USO1: variants seen among roughly 807,000 people sequenced by gnomAD.
USO1 encodes USO1 vesicle transport factor.
USO1 carries 57 observed loss-of-function variants against 124.5 expected under a neutral mutation model. That is an observed-to-expected ratio of 0.46 (90% CI 0.37 to 0.57). The LOEUF is 0.57. USO1 is among the 20% of genes least tolerant of loss of function. The pLI, the probability that USO1 is intolerant of heterozygous loss-of-function variation, is 0.00. For synonymous variants in USO1, 369 were observed against 362.8 expected (o/e 1.02, Z -0.19); for missense variants, 900 against 1,040.6 (o/e 0.86, Z 1.86).
At position 75,770,447 on chromosome 4, in the gene USO1, T is replaced by C; in HGVS notation, c.304T>C (p.Ser102Pro). Residue 102 changes from serine (S) to proline (P), a missense_variant, in exon 5 of 24, where the codon TCC becomes CCC. By Grantham distance (74) the Ser-to-Pro change is moderately conservative. Around this residue, in one of 2 missense-constraint regions of USO1, gnomAD observed 538 missense variants for 681.6 expected, o/e 0.79. Transcript: ENST00000514213. The part of the protein sequence containing the change: ...NEEEEEVEEN[S>P]TRQSEDLGSQ... ...ATTTTTGAATATTACAGAAGAAAAT[T>C]CCACAAGACAGAGTGAAGATTTGGG... The C allele has an allele frequency of 6.4e-7, 1 of 1,553,946 alleles. No individual in the cohort carries two copies. The highest frequency in any genetic ancestry group is 8.7e-7 in the Non-Finnish European group (1 of 1,152,626).
chr4:75,748,863 A>G (rs1006974549), intron 1 of USO1, among the ~76,000 whole-genome samples: 3 of 152,138 alleles, frequency 2.0e-5, no homozygotes, highest in African/African-American at 4.8e-5. Context: ...TTGGAAAACT[A>G]TTTTGACTCA....
chr4:75,784,272 A>C (rs1357023799), intron 9 of USO1, among the ~76,000 whole-genome samples: 1 of 152,158 alleles, frequency 6.6e-6, no homozygotes, highest in Non-Finnish European at 1.5e-5. Flanking sequence ...CTCCTGCCTC[A>C]GCTTCCCAAA....
chr4:75,804,499 A>G (rs946802085), intron 18 of USO1, among the ~76,000 whole-genome samples: 1 of 152,186 alleles, frequency 6.6e-6, no homozygotes, highest in Non-Finnish European at 1.5e-5. Context: ...TATCTGGCCC[A>G]TTGATTCTCA....
intron 13 of USO1, among the ~76,000 whole-genome samples, chr4:75,795,903 G>A (rs1722663529): frequency 7.3e-6 from 1 of 136,470 alleles, no homozygotes; most frequent in Non-Finnish European, 1.6e-5. Flanking sequence ...TTGTGTGTGG[G>A]GAAAGTGCTA....
At position 75,770,459 on chromosome 4, in the gene USO1, A is replaced by G; in HGVS notation, c.316A>G (p.Ser106Gly). The stretch of plus-strand genomic sequence containing the variant: ...TACAGAAGAAAATTCCACAAGACAG[A>G]GTGAAGATTTGGGAAGCCAATTTAC... Reference protein sequence around the residue: ...EEVEENSTRQSEDLGSQFTEI... With the variant: ...EEVEENSTRQGEDLGSQFTEI... The change falls in exon 5 of 24, where the codon AGT becomes GGT. Residue 106 changes from serine to glycine, a missense_variant. Ser to Gly is a moderately conservative substitution (Grantham distance 56, BLOSUM62 0). Around this residue, in one of 2 missense-constraint regions of USO1, gnomAD observed 538 missense variants for 681.6 expected, o/e 0.79. Transcript: ENST00000514213. The G allele has an allele frequency of 6.3e-7, 1 of 1,587,014 alleles. No homozygotes were observed. The highest frequency in any genetic ancestry group is 8.6e-7 in the Non-Finnish European group (1 of 1,165,910).
chr4:75,733,348 G>A lies in USO1; in HGVS notation c.66+8463G>A, dbSNP rs1269335152. Among the ~76,000 whole-genome samples, 7 of 152,126 alleles carry A rather than the reference G, an allele frequency of 4.6e-5. 1 individual carries two copies. Among genetic ancestry groups the A allele is most frequent in the African/African-American group, 1.4e-4 (6 of 41,422 alleles). Reference sequence around the variant, plus strand: ...AATACAGTAGTGAGACTGCTGGGTCGAATGGTAGTTCTGTTTTAAGTTCTT... The same window carrying A: ...AATACAGTAGTGAGACTGCTGGGTCAAATGGTAGTTCTGTTTTAAGTTCTT... On this transcript the variant is annotated intron_variant, in intron 1 of 23. Coordinates refer to ENST00000514213, the MANE Select transcript of USO1 (RefSeq NM_003715.4).
At chr4:75,784,160 ACAG>A (rs1722296016) in intron 9 of USO1, among the ~76,000 whole-genome samples, 1 of 152,208 alleles carries the variant, frequency 6.6e-6, no homozygotes, top group African/African-American at 2.4e-5. Flanking sequence ...AGCTGGGACT[ACAG>A]GCGCAAGCCA....
intron 3 of USO1, among the ~76,000 whole-genome samples, chr4:75,756,178 A>AAG (rs1317168944): frequency 6.6e-6 from 1 of 151,384 alleles, no homozygotes; most frequent in East Asian, 1.9e-4. Context: ...TCAAAAAAAA[A>AAG]AAAAAAAGAA....
chr4:75,759,674 C>T (rs1008718123), intron 4 of USO1, among the ~76,000 whole-genome samples: 5 of 151,662 alleles, frequency 3.3e-5, no homozygotes, highest in Admixed American at 6.6e-5. Flanking sequence ...TTCGGGACAC[C>T]GAGACAGGCA....
chr4:75,728,332 T>C (rs753279781), intron 1 of USO1, among the ~76,000 whole-genome samples: 7 of 152,204 alleles, frequency 4.6e-5, no homozygotes, highest in Non-Finnish European at 1.0e-4. Flanking sequence ...TGGACTGATA[T>C]TAAGATGTTC....
intron 4 of USO1, among the ~76,000 whole-genome samples, chr4:75,764,067 A>G (rs566621247): frequency 3.8e-4 from 58 of 152,306 alleles, no homozygotes; most frequent in African/African-American, 1.2e-3. Context: ...GTTAAACCAG[A>G]AGGAACCATT....
At position 75,793,877 on chromosome 4, in the gene USO1, A is replaced by G; in HGVS notation, c.1428A>G (p.Gln476=). The change falls in exon 13 of 24, where the codon CAA becomes CAG. Residue 476 remains glutamine, a synonymous_variant. Transcript: ENST00000514213. ...GCAACCCTCCAGTTTCTTTACTTCA[A>G]CAGTGCACCAATATTCTTTCACAGG... The part of the protein sequence containing the change: ...SIGNPPVSLL[Q]QCTNILSQGS... 6.2e-7 allele frequency: 1 copy of G among 1,613,990 alleles called. No individual in the cohort carries two copies. Among genetic ancestry groups the G allele is most frequent in the Non-Finnish European group, 8.5e-7 (1 of 1,179,870 alleles).
At chr4:75,793,043 C>G (rs1282174657) in intron 12 of USO1, among the ~76,000 whole-genome samples, 1 of 151,980 alleles carries the variant, frequency 6.6e-6, no homozygotes, top group Admixed American at 6.6e-5. Flanking sequence ...ATATAATGAT[C>G]TCCAGGTTCA....
intron 12 of USO1, 116 bp from the exon 13 acceptor site, chr4:75,793,574 A>AT: frequency 7.5e-7 from 1 of 1,340,174 alleles, no homozygotes; most frequent in South Asian, 1.5e-5. Flanking sequence ...TACATGTTTA[A>AT]TGATTATATT....
intron 1 of USO1, among the ~76,000 whole-genome samples, chr4:75,730,837 C>T (rs1720611435): frequency 6.6e-6 from 1 of 151,246 alleles, no homozygotes; most frequent in African/African-American, 2.4e-5. Flanking sequence ...TTTAAAGAGA[C>T]AGGCTCACAA....
chr4:75,732,883 A>AAAAAC (rs1720675820), intron 1 of USO1, among the ~76,000 whole-genome samples: 1 of 150,022 alleles, frequency 6.7e-6, no homozygotes, highest in Non-Finnish European at 1.5e-5. Context: ...ATCTAAAAAA[A>AAAAAC]AAAAAAAAAA....
At chr4:75,801,588 A>C (rs1210376466) in intron 17 of USO1, among the ~76,000 whole-genome samples, 2 of 152,016 alleles carry the variant, frequency 1.3e-5, no homozygotes, top group African/African-American at 2.4e-5. Context: ...AATTCTAGAA[A>C]GTGCTGAAAA....
At chr4:75,735,709 C>T (rs541321960) in intron 1 of USO1, among the ~76,000 whole-genome samples, 4 of 152,048 alleles carry the variant, frequency 2.6e-5, no homozygotes, top group South Asian at 2.1e-4. Context: ...CTTGTAGAGA[C>T]AGGGTCTTGC....
At chr4:75,787,788 G>A (rs1220029283) in intron 10 of USO1, among the ~76,000 whole-genome samples, 1 of 151,998 alleles carries the variant, frequency 6.6e-6, no homozygotes, top group African/African-American at 2.4e-5. Flanking sequence ...ATTATTTTAT[G>A]GAATTTATAT....
Sources: gnomAD v4.1 joint callset for allele counts (sites outside exome capture counted in the v4.1 genomes callset) on GRCh38, gnomAD v4.1.1 for gene constraint, gnomAD v4.1.1 regional missense constraint, MANE v1.5 for transcripts, NCBI Gene and HGNC (gene_info 2026-07-23, HGNC 2026-07-21) for gene names.